The following TAFA5 variants were observed in gnomAD, a reference collection of about 807,000 sequenced individuals.
TAFA5 encodes the protein chemokine-like protein TAFA-5.
TAFA5 carries 6 observed loss-of-function variants against 15.3 expected under a neutral mutation model. That is an observed-to-expected ratio of 0.39 (90% CI 0.21 to 0.77). The LOEUF (loss-of-function observed/expected upper bound fraction) is 0.77. TAFA5 is among the 30% of genes least tolerant of loss of function. The pLI is 0.41. For missense variants in TAFA5, 161 were observed against 193.1 expected (o/e 0.83, Z 0.98); for synonymous variants, 103 against 80.7 (o/e 1.28, Z -1.48).
chr22:48,711,773 C>T (rs73175195), intron 3 of TAFA5, among the ~76,000 whole-genome samples: 10,117 of 152,292 alleles, frequency 0.066, 456 homozygotes, highest in Admixed American at 0.095. Context: ...GGCCTCCAGC[C>T]CAGGCCTGAT....
intron 1 of TAFA5, among the ~76,000 whole-genome samples, chr22:48,517,900 C>T (rs1921469505): frequency 6.6e-6 from 1 of 152,256 alleles, no homozygotes; most frequent in Admixed American, 6.5e-5. Context: ...TTTTCCAGCC[C>T]AGTGGCGCTC....
At chr22:48,548,796 C>T (rs892601815) in intron 1 of TAFA5, among the ~76,000 whole-genome samples, 8 of 152,254 alleles carry the variant, frequency 5.3e-5, no homozygotes, top group African/African-American at 1.7e-4. Flanking sequence ...CGCCTAACAA[C>T]CGAAGTCTCT....
intron 2 of TAFA5, among the ~76,000 whole-genome samples, chr22:48,656,711 TTTTGAGATGGAGTCTCATTTTTTTTTC>T (rs773454068): frequency 0.017 from 2,107 of 123,038 alleles, 89 homozygotes; most frequent in East Asian, 0.12. Flanking sequence ...TTTTTTTTTT[TTTTGAGATGGAGTCTCATTTTTTTTTC>T]TTTTGAGATG....
chr22:48,597,530 T>TA lies in TAFA5; in HGVS notation c.113-49066dup, dbSNP rs1470678792. Among the ~76,000 whole-genome samples the TA allele has an allele frequency of 1.8e-4, 26 of 141,404 alleles. 1 individual carries two copies. Among genetic ancestry groups the TA allele is most frequent in the Admixed American group, 1.8e-3 (26 of 14,338 alleles). The allele number at this position is 141,404 out of a possible 152,430, so 92.8% of individuals were successfully genotyped here. Reference sequence around the variant, plus strand: ...CTGCCGGTCCCCTCTGGCTGGTTCATATGCAGAGTGTCCCAGGAGCTACCT... The same window carrying TA: ...CTGCCGGTCCCCTCTGGCTGGTTCATAATGCAGAGTGTCCCAGGAGCTACCT... On this transcript the variant is annotated intron_variant, in intron 1 of 3. Transcript: ENST00000402357.
intron 1 of TAFA5, among the ~76,000 whole-genome samples, chr22:48,617,411 T>C (rs1377199512): frequency 6.6e-6 from 1 of 152,218 alleles, no homozygotes; most frequent in African/African-American, 2.4e-5. Flanking sequence ...CTCAGACTTC[T>C]GGCCCTCAGA....
intron 1 of TAFA5, among the ~76,000 whole-genome samples, chr22:48,567,259 G>A (rs914915102): frequency 2.5e-4 from 38 of 152,246 alleles, no homozygotes; most frequent in Non-Finnish European, 4.8e-4. Flanking sequence ...GCTGTGTGCT[G>A]CCCGCCTGGC....
chr22:48,571,306 C>T (rs1460229081), intron 1 of TAFA5, among the ~76,000 whole-genome samples: 23 of 122,606 alleles, frequency 1.9e-4, no homozygotes, highest in African/African-American at 3.0e-4. Context: ...GACAAAGTCT[C>T]GCTCTGTTGC....
chr22:48,501,613 A>T (rs1920952432), intron 1 of TAFA5, among the ~76,000 whole-genome samples: 1 of 152,232 alleles, frequency 6.6e-6, no homozygotes, highest in African/African-American at 2.4e-5. Flanking sequence ...CGGAAGGCTG[A>T]GTTCTGCTGA....
chr22:48,617,450 C>T (rs1312073672), intron 1 of TAFA5, among the ~76,000 whole-genome samples: 6 of 152,306 alleles, frequency 3.9e-5, no homozygotes, highest in Middle Eastern at 3.4e-3. Context: ...GGTGCTGTTT[C>T]GGGGCCTGGT....
chr22:48,681,504 A>AG (rs1487173932), intron 2 of TAFA5, among the ~76,000 whole-genome samples: 227 of 150,042 alleles, frequency 1.5e-3, no homozygotes, highest in African/African-American at 5.2e-3. Flanking sequence ...AAAAAAAAAA[A>AG]ATTAGGCGTG....
intron 2 of TAFA5, among the ~76,000 whole-genome samples, chr22:48,668,907 C>A (rs1927712788): frequency 6.6e-6 from 1 of 152,194 alleles, no homozygotes; most frequent in African/African-American, 2.4e-5. Flanking sequence ...AAGGGCAGGA[C>A]CAAGCTGTCT....
chr22:48,721,820 T>C (rs890279743), intron 3 of TAFA5, among the ~76,000 whole-genome samples: 6 of 152,074 alleles, frequency 3.9e-5, no homozygotes, highest in African/African-American at 1.4e-4. Flanking sequence ...AATACAAAAA[T>C]GTGCCAAGCG....
At chr22:48,567,558 G>A (rs1162543174) in intron 1 of TAFA5, among the ~76,000 whole-genome samples, 1 of 152,188 alleles carries the variant, frequency 6.6e-6, no homozygotes, top group African/African-American at 2.4e-5. Flanking sequence ...TGGTGGGCAT[G>A]GCTGGCAGGG....
chr22:48,585,171 C>T (rs533084694), intron 1 of TAFA5, among the ~76,000 whole-genome samples: 21 of 150,390 alleles, frequency 1.4e-4, no homozygotes, highest in East Asian at 1.2e-3. Flanking sequence ...ACACCACACA[C>T]GACACACTGT....
chr22:48,660,364 C>A (rs5771695), intron 2 of TAFA5, among the ~76,000 whole-genome samples: 119,582 of 152,038 alleles, frequency 0.79, 47,156 homozygotes, highest in East Asian at 0.91. Context: ...GTGGCGCTTG[C>A]GCACATCTCG....
At chr22:48,559,714 G>T (rs1488036726) in intron 1 of TAFA5, among the ~76,000 whole-genome samples, 1 of 152,178 alleles carries the variant, frequency 6.6e-6, no homozygotes. Context: ...CCAGGAAGGG[G>T]CGTGTGGGAT....
intron 1 of TAFA5, among the ~76,000 whole-genome samples, chr22:48,536,672 G>C (rs1041403354): frequency 1.3e-5 from 2 of 152,194 alleles, no homozygotes; most frequent in Non-Finnish European, 2.9e-5. Context: ...CTTCATCTGC[G>C]GCCAAGGCTT....
At chr22:48,665,441 G>T (rs747328740) in intron 2 of TAFA5, among the ~76,000 whole-genome samples, 1 of 152,138 alleles carries the variant, frequency 6.6e-6, no homozygotes, top group African/African-American at 2.4e-5. Flanking sequence ...TTTGCATTCT[G>T]TGTGGGAAAC....
intron 1 of TAFA5, among the ~76,000 whole-genome samples, chr22:48,534,221 T>G (rs1897552576): frequency 7.0e-6 from 1 of 143,124 alleles, no homozygotes; most frequent in African/African-American, 2.6e-5. Flanking sequence ...AATGAATAAG[T>G]CAGGTGCGGT....
Sources: allele counts gnomAD v4.1 joint callset (sites outside exome capture counted in the v4.1 genomes callset), GRCh38; gene constraint gnomAD v4.1.1; transcripts MANE v1.5; gene names NCBI Gene and HGNC (gene_info 2026-07-23, HGNC 2026-07-21).